Variants in SCML1 observed in about 807,000 individuals in gnomAD.
The protein encoded by SCML1 is sex comb on midleg-like protein 1.
For missense variants in SCML1, 137 were observed against 258.1 expected (o/e 0.53, Z 3.22); for synonymous variants, 104 against 103.6 (o/e 1.00, Z -0.02).
At chrX:17,740,056 T>C (rs2066580005) in intron 1 of SCML1, among the ~76,000 whole-genome samples, 1 of 111,303 alleles carries the variant, frequency 9.0e-6, no homozygotes, top group South Asian at 3.7e-4. Flanking sequence ...AAATTTATGG[T>C]GTGTCTACTA....
chrX:17,741,832 G>A (rs773286757), intron 1 of SCML1, among the ~76,000 whole-genome samples: 1 of 111,439 alleles, frequency 9.0e-6, no homozygotes, highest in Admixed American at 9.5e-5. Context: ...CCTAGTAAAC[G>A]TTCTTTGCTT....
intron 1 of SCML1, among the ~76,000 whole-genome samples, chrX:17,738,674 A>G (rs1475650962): frequency 8.9e-6 from 1 of 112,213 alleles, no homozygotes; most frequent in Non-Finnish European, 1.9e-5. Context: ...TATCTGATGA[A>G]TTAATGGCAG....
intron 4 of SCML1, among the ~76,000 whole-genome samples, chrX:17,748,512 T>G (rs1184847689): frequency 2.7e-5 from 3 of 110,235 alleles, no homozygotes; most frequent in Non-Finnish European, 5.7e-5. Context: ...GGCCAGGAGC[T>G]TTTTTTTTCG....
intron 1 of SCML1, among the ~76,000 whole-genome samples, chrX:17,742,581 C>T (rs754542395): frequency 5.4e-5 from 6 of 112,147 alleles, no homozygotes; most frequent in African/African-American, 1.9e-4. Context: ...ATCTGGCTGA[C>T]CCCAACAGCC....
chrX:17,739,383 G>A (rs2066571703), intron 1 of SCML1, among the ~76,000 whole-genome samples: 1 of 111,159 alleles, frequency 9.0e-6, no homozygotes, highest in East Asian at 2.8e-4. Context: ...CAAGAGTTTA[G>A]ATTTCCGGGG....
At chrX:17,750,421 C>A in intron 6 of SCML1, 128 bp downstream of exon 6, 1 of 684,084 alleles carries the variant, frequency 1.5e-6, no homozygotes, top group Middle Eastern at 3.3e-4. Flanking sequence ...GTTTGAAATG[C>A]CATATTTACA....
chrX:17,740,830 G>C (rs760511173), intron 1 of SCML1, among the ~76,000 whole-genome samples: 2 of 112,461 alleles, frequency 1.8e-5, no homozygotes, highest in African/African-American at 6.5e-5. Flanking sequence ...ATTATGGACG[G>C]AGGGCATAAC....
intron 4 of SCML1, among the ~76,000 whole-genome samples, chrX:17,748,502 G>T (rs1032266041): frequency 8.9e-6 from 1 of 111,941 alleles, no homozygotes; most frequent in African/African-American, 3.2e-5. Context: ...CACCGCACCC[G>T]GCCAGGAGCT....
At chrX:17,749,780 A>G in intron 5 of SCML1, 114 bp from the exon 6 acceptor site, 1 of 706,565 alleles carries the variant, frequency 1.4e-6, no homozygotes, top group Non-Finnish European at 2.1e-6. Context: ...GGGACCATTT[A>G]TTTTTAATAA....
At chrX:17,740,381 A>T (rs1458117755) in intron 1 of SCML1, among the ~76,000 whole-genome samples, 1 of 111,670 alleles carries the variant, frequency 9.0e-6, no homozygotes, top group Admixed American at 9.4e-5. Context: ...TGTTGGATAG[A>T]TGCGGTCAAT....
intron 1 of SCML1, among the ~76,000 whole-genome samples, chrX:17,739,866 A>AG (rs1429857361): frequency 4.7e-5 from 5 of 107,390 alleles, no homozygotes; most frequent in African/African-American, 1.7e-4. Flanking sequence ...AAAAAAAAAA[A>AG]AAAAGAAATT....
chrX:17,739,729 A>T (rs1287373097), intron 1 of SCML1, among the ~76,000 whole-genome samples: 1 of 107,574 alleles, frequency 9.3e-6, no homozygotes, highest in African/African-American at 3.4e-5. Flanking sequence ...CAAGCCTGTT[A>T]CGCTAACTAC....
At chrX:17,744,737 A>G (rs1243478110) in intron 2 of SCML1, 1 of 112,479 alleles carries the variant, frequency 8.9e-6, no homozygotes, top group African/African-American at 3.2e-5. Context: ...ACTGCCTATC[A>G]AGAGTCATTT....
chrX:17,746,602 T>C lies in SCML1; in HGVS notation c.198+504T>C, dbSNP rs188496113. Among the ~76,000 whole-genome samples the C allele has an allele frequency of 5.7e-3, 642 of 112,267 alleles. 2 individuals carry two copies. The highest frequency in any genetic ancestry group is 8.7e-3 in the Non-Finnish European group (461 of 53,184). On this transcript the variant is annotated intron_variant, in intron 4 of 7. Coordinates refer to ENST00000380041, the MANE Select transcript of SCML1 (RefSeq NM_001037540.3). The stretch of plus-strand genomic sequence containing the variant: ...ATACCCCAGAGGTAATGAAGGTTTA[T>C]ATATATATAATGTTTCTTACCATAT...
chrX:17,746,813 T>G (rs2147172657), intron 4 of SCML1, among the ~76,000 whole-genome samples: 1 of 111,588 alleles, frequency 9.0e-6, no homozygotes, highest in East Asian at 2.9e-4. Flanking sequence ...TGCCTCCCCA[T>G]GCACTGCTAG....
chrX:17,754,331 T>A lies in SCML1; in HGVS notation c.*939T>A, dbSNP rs2066742695. 1 of 112,196 alleles carries A rather than the reference T, an allele frequency of 8.9e-6. No individual in the cohort carries two copies. Among genetic ancestry groups the A allele is most frequent in the Non-Finnish European group, 1.9e-5 (1 of 53,193 alleles). 9.2% of individuals were successfully genotyped at this position (112,196 alleles called of 1,213,427 possible). The stretch of plus-strand genomic sequence containing the variant: ...ATGGCATTTTGTATTGCCACAGAGG[T>A]AGGATGAGCCATATATTAGTGAAAT... On this transcript the variant is annotated 3_prime_UTR_variant, in exon 8 of 8. Coordinates refer to ENST00000380041, the MANE Select transcript of SCML1 (RefSeq NM_001037540.3).
chrX:17,752,034 G>A (rs17246603), intron 7 of SCML1, 68 bp downstream of exon 7: 25,893 of 1,037,200 alleles, frequency 0.025, 261 homozygotes, highest in Middle Eastern at 0.059. Flanking sequence ...AGGTCTTTCA[G>A]TTGGATACTG....
chrX:17,750,354 C>G, intron 6 of SCML1, 61 bp downstream of exon 6: 1 of 1,068,334 alleles, frequency 9.4e-7, no homozygotes, highest in Non-Finnish European at 1.3e-6. Flanking sequence ...AGTTACTCAG[C>G]TTTGATGGAG....
intron 1 of SCML1, among the ~76,000 whole-genome samples, chrX:17,738,432 G>T (rs896529200): frequency 4.4e-5 from 5 of 112,665 alleles, no homozygotes; most frequent in African/African-American, 1.6e-4. Context: ...GCTTTGCCGC[G>T]CGGTGTTTTC....
Sources: allele counts gnomAD v4.1 joint callset (sites outside exome capture counted in the v4.1 genomes callset), GRCh38; gene constraint gnomAD v4.1.1; transcripts MANE v1.5; gene names NCBI Gene and HGNC (gene_info 2026-07-23, HGNC 2026-07-21).